The following MDGA2 variants were observed in gnomAD, a reference collection of about 807,000 sequenced individuals.
The protein encoded by MDGA2 is MAM domain containing glycosylphosphatidylinositol anchor 2.
A neutral mutation model predicts 117.8 loss-of-function variants in MDGA2; 40 were observed. The ratio of observed to expected loss-of-function variants is 0.34; its 90% CI spans 0.26 to 0.44. The LOEUF (loss-of-function observed/expected upper bound fraction) is 0.44, where lower values mean the gene tolerates loss of function less well. MDGA2 is among the 20% of genes least tolerant of loss of function. The pLI is 1.00. For missense variants in MDGA2, 1,123 were observed against 1,250.6 expected, an observed-to-expected ratio of 0.90 and a Z score of 1.54; for synonymous variants, 452 against 439.0, an observed-to-expected ratio of 1.03 and a Z score of -0.37.
intron 1 of MDGA2, among the ~76,000 whole-genome samples, chr14:47,458,942 G>T (rs980374622): frequency 2.0e-5 from 3 of 149,870 alleles, no homozygotes; most frequent in African/African-American, 7.4e-5. Flanking sequence ...TATCTAGTAT[G>T]GTTCTGTGGG....
At chr14:47,657,785 T>G (rs567581693) in intron 1 of MDGA2, among the ~76,000 whole-genome samples, 1 of 152,314 alleles carries the variant, frequency 6.6e-6, no homozygotes, top group African/African-American at 2.4e-5. Context: ...TCACATCATC[T>G]AATAGAAAAC....
intron 14 of MDGA2, among the ~76,000 whole-genome samples, chr14:46,870,665 T>C (rs1379606730): frequency 6.6e-6 from 1 of 151,822 alleles, no homozygotes; most frequent in Non-Finnish European, 1.5e-5. Context: ...AGAAATGACA[T>C]AGGGGTCAAA....
Position 46,979,149 on chromosome 14 carries a change from T to C in MDGA2, c.1820-21506A>G, listed in dbSNP as rs569902766. 2.6e-5 allele frequency among the ~76,000 whole-genome samples: 4 copies of C among 152,262 alleles called. No homozygotes were observed. In the South Asian group the frequency reaches 8.3e-4, roughly 32 times the overall value. On this transcript the variant is annotated intron_variant, in intron 8 of 16. Transcript: ENST00000399232. ...TTTTTCTTTATTATTATATCCAAAATAGTAACCTTTTTTTCAGTGATCTTA... is the reference window on the plus strand; with the variant it reads ...TTTTTCTTTATTATTATATCCAAAACAGTAACCTTTTTTTCAGTGATCTTA...
intron 8 of MDGA2, among the ~76,000 whole-genome samples, chr14:46,988,761 G>A (rs1334896943): frequency 6.6e-6 from 1 of 152,020 alleles, no homozygotes; most frequent in Non-Finnish European, 1.5e-5. Context: ...TGAAATTTGT[G>A]TTCTATAATG....
At chr14:47,614,233 G>A (rs781218015) in intron 1 of MDGA2, among the ~76,000 whole-genome samples, 5 of 151,084 alleles carry the variant, frequency 3.3e-5, no homozygotes, top group Non-Finnish European at 5.9e-5. Context: ...TGGGTTACAG[G>A]CACCTGCCAT....
chr14:47,424,612 C>G (rs188022122), intron 1 of MDGA2, among the ~76,000 whole-genome samples: 4 of 152,066 alleles, frequency 2.6e-5, no homozygotes, highest in Admixed American at 1.3e-4. Flanking sequence ...ACTTGTGATT[C>G]TGATTATTAT....
chr14:47,412,091 T>C (rs1184081377), intron 1 of MDGA2, among the ~76,000 whole-genome samples: 1 of 152,026 alleles, frequency 6.6e-6, no homozygotes, highest in Non-Finnish European at 1.5e-5. Flanking sequence ...AAGGAAAGTG[T>C]AGGCATCAAA....
intron 1 of MDGA2, among the ~76,000 whole-genome samples, chr14:47,367,714 G>T (rs1891260341): frequency 6.6e-6 from 1 of 152,062 alleles, no homozygotes. Flanking sequence ...ACCAACATAC[G>T]TTTCTTGACC....
At chr14:47,617,908 T>A (rs532298153) in intron 1 of MDGA2, among the ~76,000 whole-genome samples, 2 of 152,284 alleles carry the variant, frequency 1.3e-5, no homozygotes, top group East Asian at 3.9e-4. Context: ...TATTAAAAAA[T>A]GCCAGTACTT....
At chr14:47,306,243 A>G (rs551464153) in intron 1 of MDGA2, 1 of 152,170 alleles carries the variant, frequency 6.6e-6, no homozygotes, top group South Asian at 2.1e-4. Context: ...TTAAGATGAC[A>G]CTGAAGTTTA....
chr14:46,878,762 T>C (rs1452923127), intron 11 of MDGA2, among the ~76,000 whole-genome samples: 1 of 151,886 alleles, frequency 6.6e-6, no homozygotes, highest in East Asian at 1.9e-4. Context: ...AAAATTAAAA[T>C]TATTTCATAG....
At chr14:47,252,468 C>A (rs766311548) in intron 2 of MDGA2, among the ~76,000 whole-genome samples, 2 of 151,856 alleles carry the variant, frequency 1.3e-5, no homozygotes, top group African/African-American at 4.8e-5. Context: ...TGTGAACTGG[C>A]TATTCCATTT....
chr14:47,553,746 T>TATA (rs3039662), intron 1 of MDGA2, among the ~76,000 whole-genome samples: 112,616 of 151,714 alleles, frequency 0.74, 42,270 homozygotes, highest in East Asian at 1. Flanking sequence ...TAGTTCATAA[T>TATA]AGAAAAAATA....
intron 8 of MDGA2, among the ~76,000 whole-genome samples, chr14:47,025,031 A>T (rs2138603129): frequency 6.6e-6 from 1 of 152,324 alleles, no homozygotes; most frequent in African/African-American, 2.4e-5. Flanking sequence ...CAAAAGATGA[A>T]TCAAAAGGCA....
intron 8 of MDGA2, among the ~76,000 whole-genome samples, chr14:47,034,476 TA>T (rs1888769026): frequency 6.6e-6 from 1 of 152,198 alleles, no homozygotes; most frequent in African/African-American, 2.4e-5. Flanking sequence ...GATAATTACG[TA>T]ATTCACTGTT....
chr14:46,925,686 T>C (rs1959814), intron 9 of MDGA2, among the ~76,000 whole-genome samples: 78,054 of 147,350 alleles, frequency 0.53, 21,205 homozygotes, highest in South Asian at 0.59. Flanking sequence ...TTAATAAGAC[T>C]GAAGTCATAC....
intron 2 of MDGA2, among the ~76,000 whole-genome samples, chr14:47,290,141 G>T (rs1375421411): frequency 6.6e-6 from 1 of 152,024 alleles, no homozygotes; most frequent in Non-Finnish European, 1.5e-5. Context: ...GCTATGCTCT[G>T]AATATGTGTC....
At chr14:47,004,776 G>C (rs577131813) in intron 8 of MDGA2, among the ~76,000 whole-genome samples, 2 of 151,702 alleles carry the variant, frequency 1.3e-5, no homozygotes, top group South Asian at 2.1e-4. Flanking sequence ...ATAGCTTTTA[G>C]TGTGCAGGTC....
In MDGA2 at chr14:46,942,446, T is replaced by C. The variant is rs370449247; in HGVS notation, c.2089+14928A>G. ...TACATATAATAAACTTCATAAATTTTAAATGTGATTATTGATGGGTTTGGA... is the reference window on the plus strand; with the variant it reads ...TACATATAATAAACTTCATAAATTTCAAATGTGATTATTGATGGGTTTGGA... On this transcript the variant is annotated intron_variant, in intron 9 of 16. Coordinates refer to ENST00000399232, the MANE Select transcript of MDGA2 (RefSeq NM_001113498.3). Among the ~76,000 whole-genome samples, 178 of 152,266 alleles carry C rather than the reference T, an allele frequency of 1.2e-3. 1 individual carries two copies. The highest frequency in any genetic ancestry group is 4.1e-3 in the African/African-American group (171 of 41,568).
Sources: allele counts gnomAD v4.1 joint callset (sites outside exome capture counted in the v4.1 genomes callset), GRCh38; gene constraint gnomAD v4.1.1; transcripts MANE v1.5; gene names NCBI Gene and HGNC (gene_info 2026-07-23, HGNC 2026-07-21).